MORF4L1: variants seen among roughly 807,000 people sequenced by gnomAD.
MORF4L1 encodes mortality factor 4-like protein 1.
In MORF4L1, 4 loss-of-function variants were observed where a neutral mutation model predicts 52.9. The observed-to-expected ratio is 0.08, with a 90% CI of 0.04 to 0.17. MORF4L1 has a LOEUF of 0.17. Among genes scored for constraint, MORF4L1 ranks in the 10% least tolerant of loss-of-function variants. The pLI, the probability that MORF4L1 is intolerant of heterozygous loss-of-function variation, is 1.00. For missense variants in MORF4L1, 214 were observed against 390.4 expected (o/e 0.55, Z 3.81); for synonymous variants, 123 against 134.8 (o/e 0.91, Z 0.61).
At chr15:78,887,446 C>T in intron 5 of MORF4L1, 97 bp downstream of exon 5, 1 of 1,039,150 alleles carries the variant, frequency 9.6e-7, no homozygotes, top group Admixed American at 2.7e-5. Flanking sequence ...AACTTTGGAA[C>T]ATTGTTGGAA....
At chr15:78,895,445 C>G (rs940382991) in intron 11 of MORF4L1, among the ~76,000 whole-genome samples, 2 of 152,152 alleles carry the variant, frequency 1.3e-5, no homozygotes, top group Non-Finnish European at 2.9e-5. Flanking sequence ...TAGCACTTGT[C>G]AGATTGGCTA....
At chr15:78,873,491 T>C (rs1394531847) in intron 1 of MORF4L1, among the ~76,000 whole-genome samples, 1 of 152,054 alleles carries the variant, frequency 6.6e-6, no homozygotes, top group African/African-American at 2.4e-5. Flanking sequence ...CGACGGGTTT[T>C]TCGGTGCTTC....
At chr15:78,889,203 C>G (rs754399715) in intron 5 of MORF4L1, among the ~76,000 whole-genome samples, 3 of 152,162 alleles carry the variant, frequency 2.0e-5, no homozygotes, top group Non-Finnish European at 4.4e-5. Flanking sequence ...TTCAAACTGG[C>G]TTCTGAGTCT....
chr15:78,876,949 T>G (rs1272013141), intron 1 of MORF4L1, among the ~76,000 whole-genome samples: 9 of 150,700 alleles, frequency 6.0e-5, no homozygotes, highest in Admixed American at 3.3e-4. Context: ...ATTTTAGTGG[T>G]TTTTTTTTGA....
chr15:78,883,996 G>T (rs1412871203), intron 3 of MORF4L1, among the ~76,000 whole-genome samples: 1 of 151,710 alleles, frequency 6.6e-6, no homozygotes, highest in Non-Finnish European at 1.5e-5. Context: ...ACAAGGTCAG[G>T]AGTTCTAGAC....
intron 10 of MORF4L1, 157 bp from the exon 11 acceptor site, chr15:78,894,663 C>T: frequency 1.6e-6 from 1 of 614,416 alleles, no homozygotes; most frequent in South Asian, 2.1e-5. Flanking sequence ...CTATCTCGGC[C>T]TCCCAAAGTG....
At position 78,876,689 on chromosome 15, in the gene MORF4L1, C is replaced by A. The variant is rs561944791; in HGVS notation, c.41-1524C>A. 7.5e-5 allele frequency: 30 copies of A among 398,528 alleles called. No individual in the cohort carries two copies. In the Middle Eastern group the frequency reaches 1.5e-3, roughly 20 times the overall value. The allele number at this position is 398,528 out of a possible 1,614,324, so 24.7% of individuals were successfully genotyped here. On this transcript the variant is annotated intron_variant, in intron 1 of 11. Transcript: ENST00000426013. ...CGCTGTTTATTAGCAGTATAGTTTA[C>A]CCATTTTAGTTCTCGTTCCTGGGCC... is the stretch of plus-strand genomic sequence containing the variant.
chr15:78,875,932 T>C (rs1277364617), intron 1 of MORF4L1, among the ~76,000 whole-genome samples: 1 of 148,048 alleles, frequency 6.8e-6, no homozygotes, highest in Non-Finnish European at 1.5e-5. Flanking sequence ...TAGTGTTTTT[T>C]TGTTTTGTTT....
chr15:78,893,201 G>C (rs950824414), intron 8 of MORF4L1, among the ~76,000 whole-genome samples: 3 of 152,210 alleles, frequency 2.0e-5, no homozygotes, highest in Non-Finnish European at 4.4e-5. Context: ...ATTCGTGTCT[G>C]TTATGTGTGT....
chr15:78,895,337 C>T (rs2056869515), intron 11 of MORF4L1, among the ~76,000 whole-genome samples: 1 of 152,008 alleles, frequency 6.6e-6, no homozygotes, highest in Non-Finnish European at 1.5e-5. Context: ...ATGAACAAAC[C>T]AGTGAAAAGT....
intron 9 of MORF4L1, 92 bp downstream of exon 9, chr15:78,893,719 T>G: frequency 1.2e-6 from 1 of 842,216 alleles, no homozygotes; most frequent in Non-Finnish European, 1.9e-6. Flanking sequence ...TCCGAAACAT[T>G]AATACCACCA....
chr15:78,882,243 G>A (rs911757508), intron 3 of MORF4L1, among the ~76,000 whole-genome samples: 1 of 152,164 alleles, frequency 6.6e-6, no homozygotes, highest in African/African-American at 2.4e-5. Context: ...TTGAGCCCAG[G>A]AGTTTGGGGC....
At chr15:78,889,277 T>C (rs10519214) in intron 5 of MORF4L1, among the ~76,000 whole-genome samples, 7,073 of 152,298 alleles carry the variant, frequency 0.046, 637 homozygotes, top group East Asian at 0.37. Context: ...CTAGGACTTA[T>C]TGAAGTGTAT....
chr15:78,891,067 C>T (rs757078347), intron 6 of MORF4L1, 53 bp downstream of exon 6: 87 of 1,445,684 alleles, frequency 6.0e-5, no homozygotes, highest in East Asian at 1.5e-4. Flanking sequence ...ATGACATTGA[C>T]GTTTTTATTT....
chr15:78,880,093 TTAAAC>T (rs1320609456), intron 2 of MORF4L1, among the ~76,000 whole-genome samples: 4 of 152,240 alleles, frequency 2.6e-5, no homozygotes, highest in Admixed American at 1.3e-4. Context: ...TACAAGTTGT[TTAAAC>T]TAACTTTTCA....
rs374138525 is a variant in MORF4L1 at position 78,896,967 on chromosome 15, A to G, written c.888-16A>G. ...ATGACCTTTAAAAATTTTTGTAATG[A>G]ATATTTTATTTTTAGGTACCTGGCA... On this transcript the variant is annotated splice_polypyrimidine_tract_variant and intron_variant, in intron 11 of 11. Coordinates refer to ENST00000426013, the MANE Select transcript of MORF4L1 (RefSeq NM_006791.4). 1 of 1,608,314 alleles carries G rather than the reference A, an allele frequency of 6.2e-7. No homozygotes were observed. The highest frequency in any genetic ancestry group is 1.3e-5 in the African/African-American group (1 of 74,792).
chr15:78,877,646 T>A (rs1161530860), intron 1 of MORF4L1: 1 of 152,250 alleles, frequency 6.6e-6, no homozygotes, highest in Non-Finnish European at 1.5e-5. Context: ...TTCCAAAGGT[T>A]AGGCTTTATT....
At chr15:78,884,971 G>C in intron 3 of MORF4L1, 1 of 1,613,244 alleles carries the variant, frequency 6.2e-7, no homozygotes, top group Non-Finnish European at 8.5e-7. Context: ...TATCAGAAGT[G>C]CTGTGAGGCC....
chr15:78,888,146 C>G (rs1008775842), intron 5 of MORF4L1, among the ~76,000 whole-genome samples: 1 of 152,194 alleles, frequency 6.6e-6, no homozygotes, highest in Non-Finnish European at 1.5e-5. Flanking sequence ...AAGTCATGTG[C>G]ATGCATACAT....
Sources: gnomAD v4.1 joint callset for allele counts (sites outside exome capture counted in the v4.1 genomes callset) on GRCh38, gnomAD v4.1.1 for gene constraint, MANE v1.5 for transcripts, NCBI Gene and HGNC (gene_info 2026-07-23, HGNC 2026-07-21) for gene names.